The following KIF1B variants were observed in gnomAD, a reference collection of about 807,000 sequenced individuals.
KIF1B encodes kinesin-like protein KIF1B.
In KIF1B, 76 loss-of-function variants were observed where a neutral mutation model predicts 241.9. The ratio of observed to expected loss-of-function variants is 0.31; its 90% CI spans 0.26 to 0.38. The LOEUF (loss-of-function observed/expected upper bound fraction) is 0.38. Ranked by LOEUF, KIF1B falls within the 10% of genes least tolerant of loss-of-function variation. KIF1B has a pLI of 1.00. For missense variants in KIF1B, 1,622 were observed against 2,271.4 expected (o/e 0.71, Z 5.81); for synonymous variants, 750 against 796.7 (o/e 0.94, Z 0.99).
Position 10,342,270 on chromosome 1 carries a change from A to G in KIF1B, c.3632+102A>G, listed in dbSNP as rs909656865. 38 of 820,590 alleles carry G rather than the reference A, an allele frequency of 4.6e-5. No homozygotes were observed. In the African/African-American group the frequency reaches 6.0e-4, roughly 13 times the overall value. 50.8% of individuals were successfully genotyped at this position (820,590 alleles called of 1,614,324 possible). On this transcript the variant is annotated intron_variant, in intron 33 of 48. Transcript: ENST00000676179. Reference sequence around the variant, plus strand: ...TCTTTTGAGGGATTAAGATAACTAAATAAGTATTCTATATTACCCTGTTTC... The same window carrying G: ...TCTTTTGAGGGATTAAGATAACTAAGTAAGTATTCTATATTACCCTGTTTC...
At position 10,368,490 on chromosome 1, in the gene KIF1B, T is replaced by A. The variant is rs757529397; in HGVS notation, c.4776T>A (p.Thr1592=). 5.0e-6 allele frequency: 8 copies of A among 1,613,968 alleles called. No homozygotes were observed. The highest frequency in any genetic ancestry group is 1.7e-5 in the Admixed American group (1 of 59,986). ...ATKCLQLLTH[T]FNREFSQVHG... ...AGTGCCTGCAACTTCTCACCCACACTTTCAACAGAGAATTCAGCCAGGTGC... is the reference window on the plus strand; with the variant it reads ...AGTGCCTGCAACTTCTCACCCACACATTCAACAGAGAATTCAGCCAGGTGC... Residue 1592 remains threonine (T), a synonymous_variant, in exon 44 of 49, where the codon ACT becomes ACA. Coordinates refer to ENST00000676179, the MANE Select transcript of KIF1B (RefSeq NM_001365951.3).
At chr1:10,216,548 G>C (rs1021674410) in intron 1 of KIF1B, among the ~76,000 whole-genome samples, 1 of 152,072 alleles carries the variant, frequency 6.6e-6, no homozygotes, top group Non-Finnish European at 1.5e-5. Flanking sequence ...TTCTTACTCC[G>C]TGTCATGGAG....
At chr1:10,370,581 T>TAAGAAGAAG (rs1321732483) in intron 44 of KIF1B, among the ~76,000 whole-genome samples, 1 of 132,166 alleles carries the variant, frequency 7.6e-6, no homozygotes, top group Admixed American at 8.0e-5. Context: ...AAAATAATAA[T>TAAGAAGAAG]AATAATAATA....
chr1:10,331,418 C>A (rs868795811), intron 27 of KIF1B, among the ~76,000 whole-genome samples: 4 of 152,204 alleles, frequency 2.6e-5, no homozygotes, highest in Non-Finnish European at 4.4e-5. Flanking sequence ...TGTTTCTTAG[C>A]ATTTCTCTCT....
intron 38 of KIF1B, 123 bp downstream of exon 38, chr1:10,352,859 T>C: frequency 1.4e-6 from 1 of 706,906 alleles, no homozygotes. Flanking sequence ...TTCTCCCTTC[T>C]AGCTTCAAAA....
chr1:10,324,978 G>T, intron 26 of KIF1B, 83 bp downstream of exon 26: 2 of 1,535,010 alleles, frequency 1.3e-6, no homozygotes, highest in Non-Finnish European at 1.8e-6. Flanking sequence ...AATATAAAAA[G>T]TTAAGAGGAA....
chr1:10,213,567 C>T (rs1418793719), intron 1 of KIF1B, among the ~76,000 whole-genome samples: 2 of 152,142 alleles, frequency 1.3e-5, no homozygotes, highest in Admixed American at 1.3e-4. Context: ...ATCCCCTTCC[C>T]AGGCTGCTAA....
At chr1:10,338,163 A>G (rs1018486486) in intron 31 of KIF1B, among the ~76,000 whole-genome samples, 1 of 152,048 alleles carries the variant, frequency 6.6e-6, no homozygotes, top group Non-Finnish European at 1.5e-5. Flanking sequence ...CAGTACTTGG[A>G]AAGGGCCACA....
At chr1:10,250,929 G>A (rs1370058118) in intron 2 of KIF1B, among the ~76,000 whole-genome samples, 3 of 152,150 alleles carry the variant, frequency 2.0e-5, no homozygotes, top group Non-Finnish European at 4.4e-5. Flanking sequence ...TTGGGATGCC[G>A]AGGCGGGTGG....
chr1:10,335,222 G>A (rs571472396), intron 28 of KIF1B, among the ~76,000 whole-genome samples: 23 of 152,042 alleles, frequency 1.5e-4, no homozygotes, highest in Non-Finnish European at 2.6e-4. Context: ...TTAGGATTAC[G>A]GGTGTGGGCC....
At position 10,258,612 on chromosome 1, in the gene KIF1B, T is replaced by G; in HGVS notation, c.303T>G (p.Ala101=). Residue 101 remains alanine, a synonymous_variant, in exon 4 of 49, where the codon GCT becomes GCG. Transcript: ENST00000676179. ...TTTTTGCCTATGGGCAGACTGGTGCTGGAAAATCTTATACAATGATGGGTA... is the reference window on the plus strand; with the variant it reads ...TTTTTGCCTATGGGCAGACTGGTGCGGGAAAATCTTATACAATGATGGGTA... ...VCIFAYGQTG[A]GKSYTMMGKQ... is the part of the protein sequence containing the mutation. 1 of 1,614,184 alleles carries G rather than the reference T, an allele frequency of 6.2e-7. No homozygotes were observed. The highest frequency in any genetic ancestry group is 1.1e-5 in the South Asian group (1 of 91,084).
rs954085003 is a variant in KIF1B at position 10,360,827 on chromosome 1, T to G, written c.4056-102T>G. ...AGTTTGATAAACTGAAAGTGTCTGTTGGTTGGCGTATGGTTCTTTAGGATG... is the reference window on the plus strand; with the variant it reads ...AGTTTGATAAACTGAAAGTGTCTGTGGGTTGGCGTATGGTTCTTTAGGATG... On this transcript the variant is annotated intron_variant, in intron 38 of 48. Coordinates refer to ENST00000676179, the MANE Select transcript of KIF1B (RefSeq NM_001365951.3). 2.5e-5 allele frequency: 20 copies of G among 798,878 alleles called. No homozygotes were observed. In the African/African-American group the frequency reaches 2.5e-4, roughly 10 times the overall value. 49.5% of individuals were successfully genotyped at this position (798,878 alleles called of 1,614,324 possible). A position where few individuals can be genotyped will look rare whatever the true frequency, so the allele number is the denominator to read the frequency against.
chr1:10,326,457 T>G lies in KIF1B; in HGVS notation c.2924+98T>G. The G allele has an allele frequency of 6.9e-7, 1 of 1,445,926 alleles. No individual in the cohort carries two copies. The highest frequency in any genetic ancestry group is 9.7e-7 in the Non-Finnish European group (1 of 1,035,416). 89.6% of individuals were successfully genotyped at this position (1,445,926 alleles called of 1,614,324 possible). ...TTTGGATAACCTTGCATTAGCCAAT[T>G]CAACTCATGAATGCTCTTTTTCAAG... On this transcript the variant is annotated intron_variant, in intron 27 of 48. Coordinates refer to ENST00000676179, the MANE Select transcript of KIF1B (RefSeq NM_001365951.3). The surrounding 1 kb of genome is among the most constrained non-coding windows in gnomAD (Gnocchi z 5.2).
chr1:10,291,281 C>T (rs1307264620), intron 16 of KIF1B, 120 bp downstream of exon 16: 4 of 717,392 alleles, frequency 5.6e-6, no homozygotes, highest in East Asian at 2.8e-5. Flanking sequence ...AAACACAAAA[C>T]GAAACCAAAA....
chr1:10,231,846 T>TA (rs556215965), intron 1 of KIF1B, among the ~76,000 whole-genome samples: 1 of 152,204 alleles, frequency 6.6e-6, no homozygotes, highest in Non-Finnish European at 1.5e-5. Context: ...ACTTTGTAGT[T>TA]ACGTTTTTTA....
chr1:10,228,749 G>A (rs1211619015), intron 1 of KIF1B, among the ~76,000 whole-genome samples: 1 of 152,172 alleles, frequency 6.6e-6, no homozygotes, highest in African/African-American at 2.4e-5. Flanking sequence ...AGTATCCTAG[G>A]TATGTGGTAG....
chr1:10,244,531 C>T (rs1319330078), intron 2 of KIF1B, among the ~76,000 whole-genome samples: 1 of 151,574 alleles, frequency 6.6e-6, no homozygotes, highest in East Asian at 1.9e-4. Flanking sequence ...AGGCTGGTCT[C>T]GAACTTCTGA....
chr1:10,345,908 ACCT>A lies in KIF1B; in HGVS notation c.3756_3758del (p.Leu1253del). The A allele has an allele frequency of 6.2e-7, 1 of 1,614,114 alleles. No individual in the cohort carries two copies. Among genetic ancestry groups the A allele is most frequent in the Non-Finnish European group, 8.5e-7 (1 of 1,179,972 alleles). On this transcript the variant is annotated inframe_deletion, in exon 35 of 49. Coordinates refer to ENST00000676179, the MANE Select transcript of KIF1B (RefSeq NM_001365951.3). ...CTTGGCCAGAGCATGAGCAAGTATG[ACCT>A]CCTGGTTTGGTTTGAGATCAGTGAA...
Position 10,368,458 on chromosome 1 carries a change from C to G in KIF1B, c.4753-9C>G. 6.2e-7 allele frequency: 1 copy of G among 1,612,312 alleles called. No individual in the cohort carries two copies. The highest frequency in any genetic ancestry group is 8.5e-7 in the Non-Finnish European group (1 of 1,178,470). Reference sequence around the variant, plus strand: ...ATGTTCAGCTTGCACTTCTCTTTCTCTTCTTTAGTGCCTGCAACTTCTCAC... The same window carrying G: ...ATGTTCAGCTTGCACTTCTCTTTCTGTTCTTTAGTGCCTGCAACTTCTCAC... On this transcript the variant is annotated splice_polypyrimidine_tract_variant and intron_variant, in intron 43 of 48. Transcript: ENST00000676179.
Sources: allele counts gnomAD v4.1 joint callset (sites outside exome capture counted in the v4.1 genomes callset), GRCh38; gene constraint gnomAD v4.1.1; non-coding constraint Gnocchi (gnomAD v3.1); transcripts MANE v1.5; gene names NCBI Gene and HGNC (gene_info 2026-07-23, HGNC 2026-07-21).